TRAP1: variants seen among roughly 807,000 people sequenced by gnomAD.
TRAP1 encodes TNF receptor associated protein 1.
A neutral mutation model predicts 89.1 loss-of-function variants in TRAP1; 102 were observed. The observed-to-expected ratio is 1.15, with a 90% CI of 0.98 to 1.35. The LOEUF is 1.35. Among genes scored for constraint, TRAP1 ranks in the 40% most tolerant of loss-of-function variants. The pLI is 0.00. For synonymous variants in TRAP1, 508 were observed against 388.0 expected (o/e 1.31, Z -3.64); for missense variants, 1,256 against 945.3 (o/e 1.33, Z -4.31).
chr16:3,663,928 T>G (rs2050757331), intron 13 of TRAP1: 1 of 356,782 alleles, frequency 2.8e-6, no homozygotes, highest in Non-Finnish European at 5.2e-6. Context: ...CTGGGTGTGG[T>G]GGTGTGCACC....
At chr16:3,685,372 G>A (rs1036829820) in intron 4 of TRAP1, among the ~76,000 whole-genome samples, 3 of 152,070 alleles carry the variant, frequency 2.0e-5, no homozygotes, top group African/African-American at 4.8e-5. Flanking sequence ...TCATTCACGC[G>A]TGCCTGCATT....
chr16:3,703,738 G>A (rs1412732586), intron 1 of TRAP1, among the ~76,000 whole-genome samples: 2 of 152,008 alleles, frequency 1.3e-5, no homozygotes, highest in African/African-American at 4.8e-5. Flanking sequence ...AAGTTAGGCT[G>A]GGCGCGGTGG....
intron 8 of TRAP1, chr16:3,674,742 A>C: frequency 1.8e-6 from 1 of 545,934 alleles, no homozygotes; most frequent in East Asian, 3.2e-5. Context: ...CCGGGACCTG[A>C]GGGGGCCTGT....
chr16:3,664,552 C>G (rs1291929614), intron 12 of TRAP1, 93 bp from the exon 13 acceptor site: 1 of 1,346,732 alleles, frequency 7.4e-7, no homozygotes, highest in African/African-American at 1.5e-5. Context: ...TGCCCATGGC[C>G]TCCTGGCACT....
At chr16:3,715,306 T>C (rs188387271) in intron 1 of TRAP1, among the ~76,000 whole-genome samples, 5 of 152,044 alleles carry the variant, frequency 3.3e-5, no homozygotes, top group Admixed American at 3.3e-4. Context: ...GGCATGGTGG[T>C]GGGCGCCTAA....
chr16:3,702,591 A>T (rs891283578), intron 1 of TRAP1, among the ~76,000 whole-genome samples: 2 of 151,490 alleles, frequency 1.3e-5, no homozygotes, highest in African/African-American at 4.9e-5. Flanking sequence ...AAAAATACAA[A>T]AACTTAGGTG....
At chr16:3,691,140 G>C in intron 1 of TRAP1, 155 bp from the exon 2 acceptor site, 1 of 606,990 alleles carries the variant, frequency 1.6e-6, no homozygotes, top group Non-Finnish European at 2.5e-6. Flanking sequence ...AAATGCCACA[G>C]TGTCAGGGTG....
At chr16:3,679,696 C>T (rs1453603833) in intron 5 of TRAP1, 23 bp downstream of exon 5, 1 of 1,613,482 alleles carries the variant, frequency 6.2e-7, no homozygotes, top group African/African-American at 1.3e-5. Flanking sequence ...AAGGGGGAGG[C>T]TGTGTGGGGG....
chr16:3,659,763 A>AGAT (rs1414289560), intron 16 of TRAP1: 1 of 151,028 alleles, frequency 6.6e-6, no homozygotes, highest in Non-Finnish European at 1.5e-5. Flanking sequence ...ATAGATAGAT[A>AGAT]GATAGATAGA....
chr16:3,658,302 A>C, intron 17 of TRAP1, 72 bp from the exon 18 acceptor site: 1 of 1,242,732 alleles, frequency 8.0e-7, no homozygotes, highest in Non-Finnish European at 1.2e-6. Flanking sequence ...TTTGAGACAG[A>C]GTCTCACTGT....
intron 1 of TRAP1, among the ~76,000 whole-genome samples, chr16:3,696,972 C>T (rs1004417996): frequency 1.3e-5 from 2 of 152,180 alleles, no homozygotes; most frequent in East Asian, 1.9e-4. Flanking sequence ...AGTGATCCCC[C>T]GGCCTCTGCC....
chr16:3,688,285 G>T (rs72778151), intron 3 of TRAP1, among the ~76,000 whole-genome samples: 27,479 of 151,844 alleles, frequency 0.18, 2,561 homozygotes, highest in East Asian at 0.2. Flanking sequence ...ACAGGTGTGG[G>T]TCACCGCACC....
At position 3,691,634 on chromosome 16, in the gene TRAP1, G is replaced by A. The variant is rs142766414; in HGVS notation, c.89-649C>T. 2.8e-3 allele frequency among the ~76,000 whole-genome samples: 425 copies of A among 152,034 alleles called. 7 individuals are homozygous for A. In the South Asian group the frequency reaches 0.043, roughly 15 times the overall value. On this transcript the variant is annotated intron_variant, in intron 1 of 17. Transcript: ENST00000246957. ...CGCAGCCCCTGCAGAAGCCCCCGAT[G>A]GGCCACACTTCTTTGCTCTTGACAG...
intron 3 of TRAP1, among the ~76,000 whole-genome samples, 173 bp downstream of exon 3, chr16:3,688,882 A>G (rs567861579): frequency 4.6e-5 from 7 of 152,200 alleles, no homozygotes; most frequent in Non-Finnish European, 1.0e-4. Context: ...CCAGGAAACC[A>G]AAACAGATTC....
intron 6 of TRAP1, 30 bp downstream of exon 6, chr16:3,677,468 G>A (rs775540940): frequency 1.2e-6 from 2 of 1,614,004 alleles, no homozygotes; most frequent in Non-Finnish European, 1.7e-6. Context: ...TCAGCTTTGA[G>A]CTGCCTGTCA....
At chr16:3,691,657 C>G (rs529086813) in intron 1 of TRAP1, among the ~76,000 whole-genome samples, 2 of 151,898 alleles carry the variant, frequency 1.3e-5, no homozygotes, top group African/African-American at 4.8e-5. Flanking sequence ...TTGCTCTTGA[C>G]AGTCAAGCAA....
chr16:3,665,687 G>GTGCACGCCCTCTTCC (rs2050815472), intron 12 of TRAP1, among the ~76,000 whole-genome samples: 1 of 152,204 alleles, frequency 6.6e-6, no homozygotes, highest in Admixed American at 6.5e-5. Flanking sequence ...GAGACAGTGT[G>GTGCACGCCCTCTTCC]TGCACGCCCT....
At chr16:3,698,159 T>C (rs1356218123) in intron 1 of TRAP1, among the ~76,000 whole-genome samples, 2 of 151,864 alleles carry the variant, frequency 1.3e-5, no homozygotes, top group Non-Finnish European at 2.9e-5. Flanking sequence ...GAGGAGTATA[T>C]AGAAGTCCTC....
At chr16:3,698,700 AG>A (rs911769660) in intron 1 of TRAP1, among the ~76,000 whole-genome samples, 70 of 152,122 alleles carry the variant, frequency 4.6e-4, no homozygotes, top group African/African-American at 1.5e-3. Context: ...TCAGCTCAGG[AG>A]TTTGAAATTA....
Sources: allele counts gnomAD v4.1 joint callset (sites outside exome capture counted in the v4.1 genomes callset), GRCh38; gene constraint gnomAD v4.1.1; transcripts MANE v1.5; gene names NCBI Gene and HGNC (gene_info 2026-07-23, HGNC 2026-07-21).